CCDC50: variants seen among roughly 807,000 people sequenced by gnomAD.
The protein encoded by CCDC50 is coiled-coil domain-containing protein 50.
In CCDC50, 54 loss-of-function variants were observed where a neutral mutation model predicts 70.2. That is an observed-to-expected ratio of 0.77 (90% CI 0.62 to 0.96). The LOEUF is 0.96. Ranked by LOEUF, CCDC50 falls within the 50% of genes least tolerant of loss-of-function variation. The pLI, the probability that CCDC50 is intolerant of heterozygous loss-of-function variation, is 0.00. For synonymous variants in CCDC50, 216 were observed against 198.8 expected (o/e 1.09, Z -0.73); for missense variants, 558 against 578.7 (o/e 0.96, Z 0.37).
chr3:191,354,656 A>G (rs916041625), intron 1 of CCDC50, among the ~76,000 whole-genome samples: 55 of 152,244 alleles, frequency 3.6e-4, no homozygotes, highest in African/African-American at 1.2e-3. Context: ...TCATCTCTGT[A>G]TGTATATATT....
intron 1 of CCDC50, among the ~76,000 whole-genome samples, chr3:191,352,639 T>C (rs1712141202): frequency 7.0e-6 from 1 of 142,596 alleles, no homozygotes; most frequent in African/African-American, 2.5e-5. Context: ...TAATAGACTA[T>C]AGTGTAAACA....
intron 6 of CCDC50, 43 bp from the exon 7 acceptor site, chr3:191,380,116 C>A: frequency 8.1e-7 from 1 of 1,235,160 alleles, no homozygotes; most frequent in South Asian, 1.3e-5. Context: ...CAGAAAACAT[C>A]CTCGGTTGTT....
At chr3:191,350,124 G>C (rs1712059092) in intron 1 of CCDC50, among the ~76,000 whole-genome samples, 1 of 140,290 alleles carries the variant, frequency 7.1e-6, no homozygotes. Flanking sequence ...AAGTAAAATG[G>C]GGATGTTGAT....
intron 1 of CCDC50, among the ~76,000 whole-genome samples, chr3:191,340,992 A>ATT (rs60869726): frequency 9.6e-5 from 14 of 145,984 alleles, no homozygotes; most frequent in South Asian, 6.6e-4. Context: ...CAGCTAATTA[A>ATT]TTTTTTTTTT....
intron 11 of CCDC50, among the ~76,000 whole-genome samples, chr3:191,391,329 A>C (rs904326577): frequency 5.3e-5 from 8 of 152,182 alleles, no homozygotes; most frequent in African/African-American, 1.9e-4. Flanking sequence ...CATTTTTAAG[A>C]AGCTCCCCCA....
At chr3:191,378,286 C>T (rs776778449) in intron 6 of CCDC50, among the ~76,000 whole-genome samples, 1 of 152,104 alleles carries the variant, frequency 6.6e-6, no homozygotes, top group African/African-American at 2.4e-5. Context: ...AGTCTTATCA[C>T]CCTGTCAAAA....
chr3:191,357,860 A>G lies in CCDC50; in HGVS notation c.113-138A>G, dbSNP rs28627146. ...GGATAATAATTCCTTGCTCTTTATTATATATTGTTGTTGAGACAATAAAAT... is the reference window on the plus strand; with the variant it reads ...GGATAATAATTCCTTGCTCTTTATTGTATATTGTTGTTGAGACAATAAAAT... On this transcript the variant is annotated intron_variant, in intron 2 of 11. Transcript: ENST00000392455. 0.11 allele frequency: 115,212 copies of G among 1,042,770 alleles called. 10,932 individuals carry two copies. The highest frequency in any genetic ancestry group is 0.43 in the African/African-American group (27,385 of 63,480). The allele number at this position is 1,042,770 out of a possible 1,614,324, so 64.6% of individuals were successfully genotyped here. A position where few individuals can be genotyped will look rare whatever the true frequency, so the allele number is the denominator to read the frequency against.
rs368226610 is a variant in CCDC50 at position 191,398,621 on chromosome 3, C to T, written c.*6861C>T. ...AATATGTATAACATGATAATGATGC[C>T]TGGTGTATTGAAATCCTCAATAAAT... On this transcript the variant is annotated 3_prime_UTR_variant, in exon 12 of 12. Transcript: ENST00000392455. 3.9e-5 allele frequency: 6 copies of T among 152,136 alleles called. No individual in the cohort carries two copies. The East Asian group carries it at 1.2e-3, about 29-fold the overall frequency. The allele number at this position is 152,136 out of a possible 1,614,324, so 9.4% of individuals were successfully genotyped here.
intron 10 of CCDC50, among the ~76,000 whole-genome samples, chr3:191,385,884 CT>C (rs1411459223): frequency 1.3e-5 from 2 of 152,022 alleles, no homozygotes; most frequent in Non-Finnish European, 2.9e-5. Flanking sequence ...ATAAGGTGTC[CT>C]TTCCCTATTG....
chr3:191,374,107 GTT>G (rs1713006122), intron 5 of CCDC50, among the ~76,000 whole-genome samples: 1 of 152,038 alleles, frequency 6.6e-6, no homozygotes, highest in Non-Finnish European at 1.5e-5. Context: ...CGTAGTAAAA[GTT>G]TTAGAAAATG....
At chr3:191,353,647 G>T (rs530879972) in intron 1 of CCDC50, among the ~76,000 whole-genome samples, 2 of 142,004 alleles carry the variant, frequency 1.4e-5, no homozygotes, top group South Asian at 4.4e-4. Flanking sequence ...TTTCCAGGTT[G>T]TGCTAGAATA....
chr3:191,358,000 G>T lies in CCDC50; in HGVS notation c.115G>T (p.Glu39Ter), dbSNP rs746658393. ...LAHSLQEQEI[E>*]HHLASNVQRN... Reference sequence around the variant, plus strand: ...TGTCCTCAATCTTTTTGTTCCAGTTGAGCATCATTTGGCATCGAACGTTCA... The same window carrying T: ...TGTCCTCAATCTTTTTGTTCCAGTTTAGCATCATTTGGCATCGAACGTTCA... The change falls in exon 3 of 12, where the codon GAG becomes TAG. Residue 39 changes from glutamate to a stop codon, truncating the protein, a stop_gained and splice_region_variant. Coordinates refer to ENST00000392455, the MANE Select transcript of CCDC50 (RefSeq NM_178335.3). LOFTEE classifies it high-confidence loss of function. The T allele has an allele frequency of 1.2e-6, 2 of 1,613,896 alleles. No individual in the cohort carries two copies. Among genetic ancestry groups the T allele is most frequent in the Admixed American group, 1.7e-5 (1 of 60,018 alleles).
rs1321444241 is a variant in CCDC50 at position 191,375,325 on chromosome 3, C to T, written c.712C>T (p.Leu238Phe). ...TCAGGAGAGGCCTCGGAGACCTCTG[C>T]TTCCCACGATCAGTGGTGAAGTGTT... ...STQERPRRPLLPTISGEVFLS... is the reference protein window; with the variant it reads ...STQERPRRPLFPTISGEVFLS... Residue 238 changes from leucine (L) to phenylalanine (F), a missense_variant, in exon 6 of 12, where the codon CTT (leucine) becomes TTT (phenylalanine). Transcript: ENST00000392455. 2 of 1,613,630 alleles carry T rather than the reference C, an allele frequency of 1.2e-6. No homozygotes were observed. The highest frequency in any genetic ancestry group is 2.7e-5 in the African/African-American group (2 of 74,916).
At chr3:191,390,244 C>T (rs1375494238) in intron 11 of CCDC50, among the ~76,000 whole-genome samples, 1 of 151,972 alleles carries the variant, frequency 6.6e-6, no homozygotes, top group Non-Finnish European at 1.5e-5. Flanking sequence ...CTGCCCATGA[C>T]TCTTATTAAT....
chr3:191,360,730 G>A (rs1712456425), intron 3 of CCDC50, among the ~76,000 whole-genome samples: 1 of 152,198 alleles, frequency 6.6e-6, no homozygotes, highest in South Asian at 2.1e-4. Context: ...GTGGTTATTA[G>A]TGGTAGAGGC....
rs1185905137 is a variant in CCDC50 at position 191,398,556 on chromosome 3, G to A, written c.*6796G>A. On this transcript the variant is annotated 3_prime_UTR_variant, in exon 12 of 12. Transcript: ENST00000392455. The stretch of plus-strand genomic sequence containing the variant: ...ACCCTAATAGGTCTGTTTAGTAACA[G>A]TGAAATTTTTTCTTACTCCATTTCC... The A allele has an allele frequency of 6.6e-6, 1 of 152,148 alleles. No individual in the cohort carries two copies. Among genetic ancestry groups the A allele is most frequent in the African/African-American group, 2.4e-5 (1 of 41,430 alleles). The allele number at this position is 152,148 out of a possible 1,614,324, so 9.4% of individuals were successfully genotyped here.
intron 4 of CCDC50, among the ~76,000 whole-genome samples, chr3:191,364,210 G>A (rs148800009): frequency 0.016 from 2,416 of 151,776 alleles, 51 homozygotes; most frequent in African/African-American, 0.044. Context: ...CTGGGACTAC[G>A]GGCGCCTGGC....
intron 1 of CCDC50, among the ~76,000 whole-genome samples, chr3:191,335,055 C>T (rs1313816442): frequency 6.6e-6 from 1 of 152,134 alleles, no homozygotes; most frequent in African/African-American, 2.4e-5. Context: ...TAAAATTAAA[C>T]GTATTGGAGA....
At chr3:191,372,682 A>G (rs1381682813) in intron 5 of CCDC50, among the ~76,000 whole-genome samples, 1 of 152,102 alleles carries the variant, frequency 6.6e-6, no homozygotes, top group Non-Finnish European at 1.5e-5. Flanking sequence ...ATTTTCTACA[A>G]ATTTGAAATT....
Sources: allele counts gnomAD v4.1 joint callset (sites outside exome capture counted in the v4.1 genomes callset), GRCh38; gene constraint gnomAD v4.1.1; transcripts MANE v1.5; gene names NCBI Gene and HGNC (gene_info 2026-07-23, HGNC 2026-07-21).